IFT52: variants seen among roughly 807,000 people sequenced by gnomAD.
The protein encoded by IFT52 is intraflagellar transport protein 52 homolog.
In IFT52, 44 loss-of-function variants were observed where a neutral mutation model predicts 54.4. The ratio of observed to expected loss-of-function variants is 0.81; its 90% CI spans 0.63 to 1.04. The LOEUF (loss-of-function observed/expected upper bound fraction) is 1.04. Among genes scored for constraint, IFT52 ranks in the 50% least tolerant of loss-of-function variants. IFT52 has a pLI of 0.00. For synonymous variants in IFT52, 181 were observed against 185.3 expected (o/e 0.98, Z 0.19); for missense variants, 452 against 523.6 (o/e 0.86, Z 1.33).
intron 1 of IFT52, among the ~76,000 whole-genome samples, chr20:43,594,206 G>C (rs1292003853): frequency 6.6e-6 from 1 of 152,128 alleles, no homozygotes; most frequent in Non-Finnish European, 1.5e-5. Context: ...AACTCAGGAG[G>C]CTGAGGCAGG....
chr20:43,621,092 CAA>C, intron 9 of IFT52, 167 bp downstream of exon 9: 1 of 529,870 alleles, frequency 1.9e-6, no homozygotes. Flanking sequence ...AAAAATAAGT[CAA>C]TAAACAATAT....
intron 4 of IFT52, 111 bp downstream of exon 4, chr20:43,604,000 G>C (rs143713462): frequency 1.1e-6 from 1 of 944,850 alleles, no homozygotes; most frequent in Admixed American, 2.5e-5. Flanking sequence ...CTGTGTGTGC[G>C]TGTTTTAATG....
intron 7 of IFT52, chr20:43,618,167 C>G (rs559870951): frequency 4.6e-5 from 7 of 150,672 alleles, no homozygotes; most frequent in African/African-American, 1.7e-4. Context: ...TTATGATCTT[C>G]GTTTATAAGA....
At position 43,618,947 on chromosome 20, in the gene IFT52, G is replaced by C; in HGVS notation, c.620G>C (p.Gly207Ala). 6.2e-7 allele frequency: 1 copy of C among 1,613,338 alleles called. No homozygotes were observed. ...ILAFYHSKNQ[G>A]GKLAVLGSCH... The stretch of plus-strand genomic sequence containing the variant: ...CTGCTTTGTCATCAATAGAACCAAG[G>C]TGGGAAGCTGGCAGTGCTTGGTTCA... The change falls in exon 8 of 14, where the codon GGT becomes GCT. Residue 207 changes from glycine (G) to alanine (A), a missense_variant. Physicochemically the swap from Gly to Ala is moderately conservative, Grantham distance 60 (BLOSUM62 0). Transcript: ENST00000373030.
intron 7 of IFT52, among the ~76,000 whole-genome samples, chr20:43,614,815 T>C (rs929263499): frequency 4.0e-5 from 6 of 150,604 alleles, no homozygotes; most frequent in African/African-American, 1.2e-4. Context: ...TTTTCTTTTT[T>C]TTTTTTTTTT....
intron 7 of IFT52, among the ~76,000 whole-genome samples, chr20:43,616,018 G>A (rs898823543): frequency 6.6e-6 from 1 of 151,958 alleles, no homozygotes; most frequent in East Asian, 1.9e-4. Flanking sequence ...CAAATCAGAG[G>A]GTTTTTTTTA....
At chr20:43,606,049 C>T (rs1424476560) in intron 6 of IFT52, among the ~76,000 whole-genome samples, 1 of 151,924 alleles carries the variant, frequency 6.6e-6, no homozygotes, top group African/African-American at 2.4e-5. Context: ...GGCGAAACCC[C>T]GTCTTTACTA....
At chr20:43,627,927 T>TG (rs1237179947) in intron 10 of IFT52, among the ~76,000 whole-genome samples, 46 of 142,646 alleles carry the variant, frequency 3.2e-4, no homozygotes, top group African/African-American at 1.1e-3. Context: ...AGAGAGTTTT[T>TG]TTTTTTTTTT....
intron 6 of IFT52, among the ~76,000 whole-genome samples, chr20:43,606,430 C>T (rs1444629585): frequency 1.3e-5 from 2 of 151,810 alleles, no homozygotes; most frequent in Non-Finnish European, 2.9e-5. Flanking sequence ...TCTGCCACCA[C>T]ACCCAGCTAA....
intron 10 of IFT52, among the ~76,000 whole-genome samples, chr20:43,627,928 T>TG (rs1417253512): frequency 1.4e-5 from 2 of 142,690 alleles, no homozygotes; most frequent in Admixed American, 7.1e-5. Flanking sequence ...GAGAGTTTTT[T>TG]TTTTTTTTTT....
chr20:43,594,959 G>A (rs1220478874), intron 2 of IFT52, 142 bp downstream of exon 2: 19 of 630,492 alleles, frequency 3.0e-5, no homozygotes, highest in Middle Eastern at 3.8e-4. Flanking sequence ...TAGGTCTGGC[G>A]TGGTGGCTCA....
At chr20:43,604,885 G>C (rs1982734554) in intron 5 of IFT52, 117 bp from the exon 6 acceptor site, 1 of 1,009,454 alleles carries the variant, frequency 9.9e-7, no homozygotes, top group South Asian at 1.4e-5. Flanking sequence ...CTGCAGCCTT[G>C]ACCTCCCAGG....
chr20:43,635,171 A>T lies in IFT52; in HGVS notation c.924-755A>T, dbSNP rs189995553. On this transcript the variant is annotated intron_variant, in intron 10 of 13. Transcript: ENST00000373030. ...TGACAGAGCAAGACTCTGTCTCCAA[A>T]AAAAAGAGAGAGAGAGAAAAAAAAA... 1.9e-3 allele frequency among the ~76,000 whole-genome samples: 241 copies of T among 126,992 alleles called. 1 individual carries two copies. Among genetic ancestry groups the T allele is most frequent in the African/African-American group, 6.6e-3 (227 of 34,644 alleles). 83.3% of individuals were successfully genotyped at this position (126,992 alleles called of 152,430 possible).
intron 1 of IFT52, among the ~76,000 whole-genome samples, chr20:43,593,267 G>T (rs1274431832): frequency 6.6e-6 from 1 of 152,140 alleles, no homozygotes; most frequent in African/African-American, 2.4e-5. Flanking sequence ...AATGAGGGGG[G>T]TTTTTTGGCC....
chr20:43,594,828 A>T lies in IFT52; in HGVS notation c.119+11A>T, dbSNP rs749320242. 3.0e-5 allele frequency: 39 copies of T among 1,315,882 alleles called. No homozygotes were observed. The East Asian group carries it at 3.9e-4, about 13-fold the overall frequency. The allele number at this position is 1,315,882 out of a possible 1,614,324, so 81.5% of individuals were successfully genotyped here. ...TTGGAAGATTCAGAGGTGACTGACC[A>T]TGTATATTGTTTTCCCTTCTAAATG... On this transcript the variant is annotated intron_variant, in intron 2 of 13. Coordinates refer to ENST00000373030, the MANE Select transcript of IFT52 (RefSeq NM_016004.5).
chr20:43,607,079 G>A (rs1463339326), intron 6 of IFT52, among the ~76,000 whole-genome samples: 2 of 152,162 alleles, frequency 1.3e-5, no homozygotes, highest in Non-Finnish European at 2.9e-5. Flanking sequence ...ATCATGGCCC[G>A]TTCTCAATGA....
chr20:43,624,056 G>T lies in IFT52; in HGVS notation c.923+11G>T. On this transcript the variant is annotated intron_variant, in intron 10 of 13. Coordinates refer to ENST00000373030, the MANE Select transcript of IFT52 (RefSeq NM_016004.5). ...CCACAGCGTCATCGAGTCAGTACCT[G>T]TGGGCCTCTGAGCCACACTGCACTC... The T allele has an allele frequency of 2.5e-6, 4 of 1,613,612 alleles. No homozygotes were observed. Among genetic ancestry groups the T allele is most frequent in the Non-Finnish European group, 3.4e-6 (4 of 1,179,722 alleles).
intron 6 of IFT52, among the ~76,000 whole-genome samples, chr20:43,606,691 G>A (rs986052631): frequency 2.0e-5 from 3 of 152,046 alleles, no homozygotes; most frequent in African/African-American, 7.2e-5. Context: ...AGATAAACAA[G>A]TGAACAAAGG....
At chr20:43,622,770 G>T (rs13039632) in intron 9 of IFT52, among the ~76,000 whole-genome samples, 104,280 of 127,216 alleles carry the variant, frequency 0.82, 45,012 homozygotes, top group East Asian at 0.95. Context: ...TATACAAATT[G>T]TGTGTAAATA....
Sources: allele counts gnomAD v4.1 joint callset (sites outside exome capture counted in the v4.1 genomes callset), GRCh38; gene constraint gnomAD v4.1.1; transcripts MANE v1.5; gene names NCBI Gene and HGNC (gene_info 2026-07-23, HGNC 2026-07-21).